Variants in SAMD5 observed in about 807,000 individuals in gnomAD.
SAMD5 encodes sterile alpha motif domain containing 5.
A neutral mutation model predicts 11.3 loss-of-function variants in SAMD5; 13 were observed. The observed-to-expected ratio is 1.15, with a 90% CI of 0.75 to 1.83. SAMD5 has a LOEUF of 1.83. Among genes scored for constraint, SAMD5 ranks in the 40% most tolerant of loss-of-function variants. The probability of loss-of-function intolerance (pLI) is 0.00; values close to 1 mark genes in which losing one functional copy is unlikely to be tolerated. For synonymous variants in SAMD5, 129 were observed against 111.3 expected (o/e 1.16, Z -1.00); for missense variants, 255 against 239.1 (o/e 1.07, Z -0.44).
downstream of SAMD5, among the ~76,000 whole-genome samples, chr6:147,739,365 G>T (rs873728): frequency 0.53 from 79,982 of 151,980 alleles, 21,934 homozygotes; most frequent in Middle Eastern, 0.65. Context: ...GGAGGCGCAG[G>T]CCGGAAGACC....
intron 1 of SAMD5, among the ~76,000 whole-genome samples, chr6:147,576,990 C>T (rs550095089): frequency 6.6e-6 from 1 of 152,304 alleles, no homozygotes; most frequent in South Asian, 2.1e-4. Context: ...CTTTCTATTA[C>T]ACAATTTGAT....
intron 1 of SAMD5, among the ~76,000 whole-genome samples, chr6:147,650,589 A>C (rs9390484): frequency 0.41 from 62,572 of 152,064 alleles, 14,861 homozygotes; most frequent in Middle Eastern, 0.54. Context: ...CTTGCATTTT[A>C]GAATTCTGGA....
intron 1 of SAMD5, among the ~76,000 whole-genome samples, chr6:147,721,632 T>G (rs1791553942): frequency 6.6e-6 from 1 of 152,242 alleles, no homozygotes; most frequent in South Asian, 2.1e-4. Context: ...GCGAAAATTT[T>G]CTCCCATTTT....
intron 1 of SAMD5, among the ~76,000 whole-genome samples, chr6:147,703,368 G>A (rs979893055): frequency 2.0e-5 from 3 of 152,076 alleles, no homozygotes; most frequent in South Asian, 2.1e-4. Context: ...CACCATGCCC[G>A]GCTACTCACT....
the SAMD5 span, among the ~76,000 whole-genome samples, chr6:147,915,819 G>A: frequency 1.3e-3 from 195 of 152,166 alleles, no homozygotes; most frequent in Non-Finnish European, 2.1e-3. Context: ...TGTTACATAC[G>A]TATACATGTG....
the SAMD5 span, among the ~76,000 whole-genome samples, chr6:147,791,593 T>A: frequency 0.014 from 2,189 of 152,298 alleles, 29 homozygotes; most frequent in Non-Finnish European, 0.021. Context: ...AAATATGTTA[T>A]TATTGCCTAT....
chr6:147,804,033 C>A, the SAMD5 span, among the ~76,000 whole-genome samples: 1 of 152,160 alleles, frequency 6.6e-6, no homozygotes, highest in Non-Finnish European at 1.5e-5. Context: ...TCCAGGTCAC[C>A]CATAGGTCTA....
intron 1 of SAMD5, among the ~76,000 whole-genome samples, chr6:147,533,323 G>A (rs1378010318): frequency 2.0e-5 from 3 of 151,938 alleles, no homozygotes; most frequent in Non-Finnish European, 2.9e-5. Flanking sequence ...AAGGCCGGGC[G>A]CAGTGGCTCC....
chr6:147,785,739 G>A, the SAMD5 span, among the ~76,000 whole-genome samples: 20 of 152,246 alleles, frequency 1.3e-4, no homozygotes, highest in African/African-American at 4.6e-4. Context: ...AAATGCTAAG[G>A]TTTAAAAGAA....
chr6:147,949,371 G>C, the SAMD5 span, among the ~76,000 whole-genome samples: 1 of 152,086 alleles, frequency 6.6e-6, no homozygotes, highest in Non-Finnish European at 1.5e-5. Flanking sequence ...ACCCCAGTTT[G>C]GTAAGAAATC....
intron 1 of SAMD5, among the ~76,000 whole-genome samples, chr6:147,618,533 T>A (rs62434757): frequency 0.065 from 9,922 of 152,112 alleles, 395 homozygotes; most frequent in Middle Eastern, 0.099. Context: ...TCAAATAAAG[T>A]AAGTGATGAG....
At chr6:147,559,737 C>T (rs576029832) in intron 1 of SAMD5, among the ~76,000 whole-genome samples, 18 of 152,240 alleles carry the variant, frequency 1.2e-4, no homozygotes, top group Admixed American at 9.2e-4. Flanking sequence ...GTGGATCATT[C>T]TAGAGTAGGC....
chr6:147,934,256 T>A, the SAMD5 span, among the ~76,000 whole-genome samples: 3 of 150,908 alleles, frequency 2.0e-5, no homozygotes, highest in East Asian at 5.9e-4. Flanking sequence ...TTTAACTGTT[T>A]ATATTACAAC....
intron 1 of SAMD5, among the ~76,000 whole-genome samples, chr6:147,591,888 G>A (rs554065260): frequency 6.6e-6 from 1 of 152,134 alleles, no homozygotes; most frequent in Non-Finnish European, 1.5e-5. Flanking sequence ...CCTCTGAGAA[G>A]GGCTCAGGAG....
chr6:147,551,142 C>T (rs1788765901), intron 1 of SAMD5, among the ~76,000 whole-genome samples: 1 of 152,182 alleles, frequency 6.6e-6, no homozygotes, highest in East Asian at 1.9e-4. Flanking sequence ...GGGCACAGTT[C>T]AGTTGTTAGG....
the SAMD5 span, among the ~76,000 whole-genome samples, chr6:147,771,400 G>A: frequency 1.2e-4 from 19 of 152,236 alleles, 1 homozygote; most frequent in African/African-American, 4.6e-4. Context: ...TCCCCTTTCC[G>A]GAAGCGGTAG....
rs1359272186 is a variant in SAMD5, at chr6:147,569,949, A to G, written c.*5493A>G. 4.1e-6 allele frequency: 4 copies of G among 984,870 alleles called. No individual in the cohort carries two copies. The African/African-American group carries it at 7.0e-5, about 17-fold the overall frequency. The allele number at this position is 984,870 out of a possible 1,614,324, so 61.0% of individuals were successfully genotyped here. ...ATTGGAATAGCATTATGAACCATGT[A>G]ATGCATGCCCATGCACACTGTGATT... On this transcript the variant is annotated 3_prime_UTR_variant, in exon 2 of 2. Coordinates refer to ENST00000367474, the MANE Select transcript of SAMD5 (RefSeq NM_001030060.3).
At chr6:147,933,146 A>G in the SAMD5 span, among the ~76,000 whole-genome samples, 1 of 152,214 alleles carries the variant, frequency 6.6e-6, no homozygotes, top group Non-Finnish European at 1.5e-5. Context: ...AGAAGCATCA[A>G]TGATCATCCA....
At chr6:147,662,505 T>G (rs1790661996) in intron 1 of SAMD5, among the ~76,000 whole-genome samples, 1 of 152,182 alleles carries the variant, frequency 6.6e-6, no homozygotes, top group African/African-American at 2.4e-5. Flanking sequence ...TAGGAAAGGA[T>G]TTAAAAGTTA....
Sources: gnomAD v4.1 joint callset for allele counts (sites outside exome capture counted in the v4.1 genomes callset) on GRCh38, gnomAD v4.1.1 for gene constraint, MANE v1.5 for transcripts, NCBI Gene and HGNC (gene_info 2026-07-23, HGNC 2026-07-21) for gene names.